ADRA1B: variants seen among roughly 807,000 people sequenced by gnomAD.
The protein encoded by ADRA1B is adrenoceptor alpha 1B, also known as alpha-1B adrenergic receptor.
A neutral mutation model predicts 17.9 loss-of-function variants in ADRA1B; 17 were observed. That is an observed-to-expected ratio of 0.95 (90% CI 0.65 to 1.42). The LOEUF (loss-of-function observed/expected upper bound fraction) is 1.42, where lower values mean the gene tolerates loss of function less well. ADRA1B is among the 40% of genes most tolerant of loss of function. ADRA1B has a pLI of 0.00. For synonymous variants in ADRA1B, 366 were observed against 327.6 expected (o/e 1.12, Z -1.27); for missense variants, 681 against 722.1 (o/e 0.94, Z 0.65).
chr5:159,894,692 A>G (rs1368294), intron 1 of ADRA1B, among the ~76,000 whole-genome samples: 2,695 of 152,274 alleles, frequency 0.018, 70 homozygotes, highest in African/African-American at 0.061. Flanking sequence ...AAAGAGGGCA[A>G]TATAGTCATG....
At chr5:159,913,956 T>C (rs1398207117), upstream of ADRA1B, among the ~76,000 whole-genome samples, 5 of 152,090 alleles carry the variant, frequency 3.3e-5, no homozygotes, top group African/African-American at 1.2e-4. Flanking sequence ...CTCTTCCTCC[T>C]CCCTCTCCCC....
intron 1 of ADRA1B, among the ~76,000 whole-genome samples, chr5:159,880,862 C>G (rs191516815): frequency 5.9e-4 from 90 of 152,284 alleles, no homozygotes; most frequent in Non-Finnish European, 5.9e-5. Flanking sequence ...ATCACTGTAT[C>G]CTTCATGCTG....
chr5:159,891,772 G>A (rs1487829235), intron 1 of ADRA1B, among the ~76,000 whole-genome samples: 2 of 152,184 alleles, frequency 1.3e-5, no homozygotes, highest in Non-Finnish European at 2.9e-5. Context: ...TGGTAGCGGA[G>A]AAACCAGAAT....
chr5:159,961,034 G>A (rs1267868636), intron 1 of ADRA1B, among the ~76,000 whole-genome samples: 2 of 152,200 alleles, frequency 1.3e-5, no homozygotes, highest in African/African-American at 4.8e-5. Context: ...AGGGACAAAT[G>A]CCACATTTTA....
chr5:159,872,260 G>T (rs1428597868), intron 1 of ADRA1B, among the ~76,000 whole-genome samples: 2 of 152,150 alleles, frequency 1.3e-5, no homozygotes, highest in African/African-American at 2.4e-5. Context: ...GCTCTTGCTT[G>T]CAGAGATGCA....
At chr5:159,981,607 T>G in the ADRA1B span, among the ~76,000 whole-genome samples, 1 of 152,184 alleles carries the variant, frequency 6.6e-6, no homozygotes, top group African/African-American at 2.4e-5. Context: ...ACCATTCTCC[T>G]GCCTCAGCCT....
intron 1 of ADRA1B, chr5:159,948,543 A>G: frequency 1.1e-6 from 1 of 914,386 alleles, no homozygotes; most frequent in East Asian, 1.2e-4. Context: ...TAAAAGAATC[A>G]GAAAAACAAA....
intron 1 of ADRA1B, among the ~76,000 whole-genome samples, chr5:159,964,912 A>G (rs1381527141): frequency 6.6e-6 from 1 of 152,220 alleles, no homozygotes; most frequent in Non-Finnish European, 1.5e-5. Flanking sequence ...TCAATGTGCC[A>G]GGTACTTACC....
the ADRA1B span, among the ~76,000 whole-genome samples, chr5:159,981,639 G>A: frequency 1.3e-5 from 2 of 152,092 alleles, no homozygotes; most frequent in East Asian, 3.9e-4. Context: ...GGGACTACAG[G>A]CACCCACCAC....
rs371916454 is a variant in ADRA1B, at chr5:159,916,872, A to G, written c.-34A>G. 40 of 1,567,720 alleles carry G rather than the reference A, an allele frequency of 2.6e-5. No individual in the cohort carries two copies. The highest frequency in any genetic ancestry group is 1.8e-4 in the African/African-American group (13 of 73,648). On this transcript the variant is annotated 5_prime_UTR_variant, in exon 1 of 2. Transcript: ENST00000306675. ...CTTCGCCGCAGCCCTTCCGAGCCCA[A>G]TCATCCCCCTGGCTATGGAGGGCGG...
chr5:159,948,044 G>C, intron 1 of ADRA1B: 1 of 985,338 alleles, frequency 1.0e-6, no homozygotes, highest in Non-Finnish European at 1.2e-6. Context: ...CTGGCCCATC[G>C]GTTTCACAGA....
At chr5:159,935,079 T>A (rs1754918398) in intron 1 of ADRA1B, among the ~76,000 whole-genome samples, 1 of 152,202 alleles carries the variant, frequency 6.6e-6, no homozygotes, top group South Asian at 2.1e-4. Context: ...TTTAAGTACC[T>A]GTTAATATTA....
At chr5:159,927,454 C>T (rs1178255615) in intron 1 of ADRA1B, among the ~76,000 whole-genome samples, 2 of 149,254 alleles carry the variant, frequency 1.3e-5, no homozygotes, top group Non-Finnish European at 3.0e-5. Context: ...GGAAGGCCAA[C>T]AATATTCTGA....
chr5:159,874,966 A>G (rs1753787636), intron 1 of ADRA1B, among the ~76,000 whole-genome samples: 1 of 152,198 alleles, frequency 6.6e-6, no homozygotes, highest in Non-Finnish European at 1.5e-5. Context: ...AGAACTGAGA[A>G]TTCGTGCTCC....
chr5:159,917,962 C>G (rs940640146), intron 1 of ADRA1B, 108 bp downstream of exon 1: 1 of 975,030 alleles, frequency 1.0e-6, no homozygotes, highest in Non-Finnish European at 1.6e-6. Flanking sequence ...GCAGTCTGTG[C>G]GTGTTCGGAG....
chr5:159,951,529 G>A (rs968872916), intron 1 of ADRA1B: 6 of 635,468 alleles, frequency 9.4e-6, no homozygotes, highest in Admixed American at 4.1e-5. Flanking sequence ...GGCAATGCAC[G>A]AGAAGATGCA....
chr5:159,975,234 C>G (rs1035439498), downstream of ADRA1B, among the ~76,000 whole-genome samples: 1 of 152,188 alleles, frequency 6.6e-6, no homozygotes, highest in Non-Finnish European at 1.5e-5. Context: ...CCTCAGCCTC[C>G]TCCTCTTCCT....
Position 159,917,441 on chromosome 5 carries a change from G to A in ADRA1B, c.536G>A (p.Gly179Glu), listed in dbSNP as rs761926773. The A allele has an allele frequency of 1.2e-6, 2 of 1,614,014 alleles. No individual in the cohort carries two copies. Among genetic ancestry groups the A allele is most frequent in the Non-Finnish European group, 8.5e-7 (1 of 1,180,046 alleles). Residue 179 changes from glycine (G) to glutamate (E), a missense_variant, in exon 1 of 2, where the codon GGG (glycine) becomes GAG (glutamate). By Grantham distance (98) the Gly-to-Glu change is moderately conservative. Around this residue, in one of 3 missense-constraint regions of ADRA1B, gnomAD observed 424 missense variants for 480.2 expected, o/e 0.88. Coordinates refer to ENST00000306675, the MANE Select transcript of ADRA1B (RefSeq NM_000679.4). ...GTCTTGTCCACCGTCATCTCCATCG[G>A]GCCTCTCCTTGGGTGGAAGGAGCCG... ...VWVLSTVISI[G>E]PLLGWKEPAP... is the part of the protein sequence containing the mutation.
chr5:159,924,024 C>T (rs1754568568), intron 1 of ADRA1B, among the ~76,000 whole-genome samples: 1 of 152,258 alleles, frequency 6.6e-6, no homozygotes, highest in Non-Finnish European at 1.5e-5. Context: ...CCACATTTGG[C>T]ACTCAATAAA....
Sources: gnomAD v4.1 joint callset for allele counts (sites outside exome capture counted in the v4.1 genomes callset) on GRCh38, gnomAD v4.1.1 for gene constraint, gnomAD v4.1.1 regional missense constraint, MANE v1.5 for transcripts, NCBI Gene and HGNC (gene_info 2026-07-23, HGNC 2026-07-21) for gene names.